KCNAB2: variants seen among roughly 807,000 people sequenced by gnomAD.
KCNAB2 encodes potassium voltage-gated channel subfamily A regulatory beta subunit 2.
A neutral mutation model predicts 63.6 loss-of-function variants in KCNAB2; 29 were observed. The observed-to-expected ratio is 0.46, with a 90% confidence interval of 0.34 to 0.62. The LOEUF is 0.62. Among genes scored for constraint, KCNAB2 ranks in the 20% least tolerant of loss-of-function variants. The pLI, the probability that KCNAB2 is intolerant of heterozygous loss-of-function variation, is 0.01. For missense variants in KCNAB2, 359 were observed against 563.9 expected (o/e 0.64, Z 3.68); for synonymous variants, 222 against 224.2 (o/e 0.99, Z 0.09).
In KCNAB2 at chr1:6,037,071, G is replaced by A. The variant is rs148872673; in HGVS notation, c.-53+2277G>A. On this transcript the variant is annotated intron_variant, in intron 1 of 15. Coordinates refer to the KCNAB2 transcript ENST00000164247. ...CTGGCTCTGGCCTGCTTAGACTCCT[G>A]GCCCTCAACCTCGCCTCTAGGCCAG... Among the ~76,000 whole-genome samples the A allele has an allele frequency of 1.9e-3, 292 of 152,280 alleles. 2 individuals carry two copies. The highest frequency in any genetic ancestry group is 6.5e-3 in the African/African-American group (270 of 41,556).
At chr1:6,070,047 A>G (rs112550113) in intron 2 of KCNAB2, among the ~76,000 whole-genome samples, 3 of 152,286 alleles carry the variant, frequency 2.0e-5, no homozygotes, top group African/African-American at 7.2e-5. Context: ...CCTGGCCTTC[A>G]GCAGAGCCTT....
chr1:6,100,091 C>T lies in KCNAB2; in HGVS notation c.*1517C>T, dbSNP rs1006552908. ...GCAGGCACCTCTGTTCCCGCTTTGC[C>T]CCTGGAGGAGCCACTATTCCAGAAG... On this transcript the variant is annotated 3_prime_UTR_variant, in exon 16 of 16. Coordinates refer to ENST00000378083, the MANE Select transcript of KCNAB2 (RefSeq NM_001199862.2). 55 of 1,450,484 alleles carry T rather than the reference C, an allele frequency of 3.8e-5. No individual in the cohort carries two copies. The highest frequency in any genetic ancestry group is 4.6e-5 in the Non-Finnish European group (51 of 1,099,404). The allele number at this position is 1,450,484 out of a possible 1,614,324, so 89.9% of individuals were successfully genotyped here. A position where few individuals can be genotyped will look rare whatever the true frequency, so the allele number is the denominator to read the frequency against.
chr1:6,091,992 C>T (rs1299545333), intron 10 of KCNAB2, among the ~76,000 whole-genome samples: 3 of 152,230 alleles, frequency 2.0e-5, no homozygotes, highest in Non-Finnish European at 2.9e-5. Flanking sequence ...CCACAGCTAA[C>T]GGCCCCAGGA....
chr1:6,090,510 TG>T, intron 9 of KCNAB2, 35 bp downstream of exon 9: 1 of 1,555,380 alleles, frequency 6.4e-7, no homozygotes, highest in Middle Eastern at 1.9e-4. Flanking sequence ...CGGTTAGGCC[TG>T]GGCGGGGTCT....
chr1:6,059,811 G>C (rs1662153351), intron 2 of KCNAB2, among the ~76,000 whole-genome samples: 1 of 152,124 alleles, frequency 6.6e-6, no homozygotes, highest in Non-Finnish European at 1.5e-5. Context: ...GTCCTGGTGA[G>C]CAAGAGGAAG....
chr1:6,051,844 C>T lies in KCNAB2; in HGVS notation c.218+90C>T. 2 of 1,379,748 alleles carry T rather than the reference C, an allele frequency of 1.4e-6. 1 individual carries two copies. Among genetic ancestry groups the T allele is most frequent in the South Asian group, 3.0e-5 (2 of 67,690 alleles). The allele number at this position is 1,379,748 out of a possible 1,614,324, so 85.5% of individuals were successfully genotyped here. On this transcript the variant is annotated intron_variant, in intron 2 of 15. Coordinates refer to ENST00000378083, the MANE Select transcript of KCNAB2 (RefSeq NM_001199862.2). ...AAGGGCTGGGCACGGTGGTTCACAC[C>T]TGTAATCCCAGCACTTGGGGAGGCA...
At chr1:6,027,269 TGTGTGG>T (rs1659262309) in intron 1 of KCNAB2, 1 of 91,850 alleles carries the variant, frequency 1.1e-5, no homozygotes, top group Non-Finnish European at 2.3e-5. Context: ...TGTGTGTGTG[TGTGTGG>T]ACGGCTGAAG....
chr1:6,091,317 G>T lies in KCNAB2; in HGVS notation c.646+10G>T. On this transcript the variant is annotated intron_variant, in intron 10 of 15. Transcript: ENST00000378083. ...ACATTCATCATAGAAGGTACACAGT[G>T]CCCCCAGCCTGACTATTGACTTCTG... 1 of 1,523,100 alleles carries T rather than the reference G, an allele frequency of 6.6e-7. No individual in the cohort carries two copies. Among genetic ancestry groups the T allele is most frequent in the Non-Finnish European group, 8.8e-7 (1 of 1,135,318 alleles). 94.3% of individuals were successfully genotyped at this position (1,523,100 alleles called of 1,614,324 possible). A position where few individuals can be genotyped will look rare whatever the true frequency, so the allele number is the denominator to read the frequency against.
chr1:6,079,038 C>T (rs1046153673), intron 4 of KCNAB2, among the ~76,000 whole-genome samples: 8 of 152,298 alleles, frequency 5.3e-5, no homozygotes, highest in African/African-American at 1.7e-4. Context: ...CAGGGGAAGC[C>T]GCGGCAGGGG....
At chr1:5,992,902 T>A (rs1033087273) in intron 1 of KCNAB2, 2 of 152,186 alleles carry the variant, frequency 1.3e-5, no homozygotes, top group Non-Finnish European at 2.9e-5. Context: ...CCCGTCTCCA[T>A]CTCTTCTTCC....
At position 6,002,266 on chromosome 1, in the gene KCNAB2, A is replaced by C. The variant is rs148999520; in HGVS notation, c.-53+9478A>C. On this transcript the variant is annotated intron_variant, in intron 1 of 16. Transcript: ENST00000341524. The stretch of plus-strand genomic sequence containing the variant: ...CCAACGGAGGCCAACTGTGACACCA[A>C]GGGATCCTCCCCAAGGGGTCTTCCC... Among the ~76,000 whole-genome samples, 105 of 152,354 alleles carry C rather than the reference A, an allele frequency of 6.9e-4. 2 individuals are homozygous for C. The South Asian group carries it at 8.5e-3, about 12-fold the overall frequency.
chr1:6,099,621 C>T lies in KCNAB2; in HGVS notation c.*1047C>T, dbSNP rs556775976. On this transcript the variant is annotated 3_prime_UTR_variant, in exon 16 of 16. Transcript: ENST00000378083. The stretch of plus-strand genomic sequence containing the variant: ...GCCCAGGCCGCTGCTCTGCACCGAG[C>T]TGGTGGGCTTGGGTTTTGTGGAGCG... 2.7e-3 allele frequency: 2,226 copies of T among 825,236 alleles called. 71 individuals are homozygous for T. Among genetic ancestry groups the T allele is most frequent in the Non-Finnish European group, 1.8e-4 (99 of 559,856 alleles). The allele number at this position is 825,236 out of a possible 1,614,324, so 51.1% of individuals were successfully genotyped here.
intron 1 of KCNAB2, among the ~76,000 whole-genome samples, chr1:6,004,775 G>A (rs1657458007): frequency 6.6e-6 from 1 of 152,112 alleles, no homozygotes. Context: ...ATTATGACTT[G>A]GGTGGATCTT....
chr1:6,037,963 C>T (rs962889696), intron 1 of KCNAB2, among the ~76,000 whole-genome samples: 1 of 149,844 alleles, frequency 6.7e-6, no homozygotes, highest in Non-Finnish European at 1.5e-5. Context: ...CAAGCTCCGT[C>T]TCCCGGGTTC....
intron 6 of KCNAB2, chr1:6,085,665 AG>A: frequency 8.5e-6 from 2 of 236,260 alleles, no homozygotes; most frequent in Non-Finnish European, 1.5e-5. Context: ...CAGGGGAGCC[AG>A]GGGGCCAGAG....
intron 1 of KCNAB2, among the ~76,000 whole-genome samples, chr1:6,022,806 CAT>C (rs1218153037): frequency 6.6e-6 from 1 of 151,932 alleles, no homozygotes; most frequent in Non-Finnish European, 1.5e-5. Context: ...CGTGTTGTAC[CAT>C]ATGTCAGCAT....
chr1:6,021,977 GTAGTTCAGTGGTACGAGTGTA>G (rs1279707414), intron 1 of KCNAB2, among the ~76,000 whole-genome samples: 2 of 151,232 alleles, frequency 1.3e-5, no homozygotes, highest in Admixed American at 6.6e-5. Context: ...TACTGAGTGT[GTAGTTCAGTGGTACGAGTGTA>G]TAGTTCGGTG....
chr1:6,038,185 G>A (rs1226005118), intron 1 of KCNAB2, among the ~76,000 whole-genome samples: 1 of 151,754 alleles, frequency 6.6e-6, no homozygotes, highest in Non-Finnish European at 1.5e-5. Context: ...CCCAAATGAG[G>A]GTCTTTAAGA....
In KCNAB2 at chr1:6,078,167, G is replaced by C. The variant is rs528776532; in HGVS notation, c.301-4028G>C. ...TGCTGGCCTTCCTTGGCCTGTGCCC[G>C]CATCCCCCAGTCTCTGCCCCTGTGG... On this transcript the variant is annotated intron_variant, in intron 4 of 15. Transcript: ENST00000378083. The surrounding 1 kb of genome is among the most constrained non-coding windows in gnomAD (Gnocchi z 4.2). Among the ~76,000 whole-genome samples, 1 of 152,148 alleles carries C rather than the reference G, an allele frequency of 6.6e-6. No individual in the cohort carries two copies. The highest frequency in any genetic ancestry group is 1.5e-5 in the Non-Finnish European group (1 of 68,012).
Sources: gnomAD v4.1 joint callset for allele counts (sites outside exome capture counted in the v4.1 genomes callset) on GRCh38, gnomAD v4.1.1 for gene constraint, Gnocchi (gnomAD v3.1) non-coding constraint, MANE v1.5 for transcripts, NCBI Gene and HGNC (gene_info 2026-07-23, HGNC 2026-07-21) for gene names.